Variants in RNF157 observed in about 807,000 individuals in gnomAD.
RNF157 encodes ring finger protein 157, also known as E3 ubiquitin ligase RNF157.
A neutral mutation model predicts 88.3 loss-of-function variants in RNF157; 55 were observed. The ratio of observed to expected loss-of-function variants is 0.62; its 90% CI spans 0.50 to 0.78. RNF157 has a LOEUF of 0.78. Ranked by LOEUF, RNF157 falls within the 30% of genes least tolerant of loss-of-function variation. The pLI, the probability that RNF157 is intolerant of heterozygous loss-of-function variation, is 0.00. For missense variants in RNF157, 788 were observed against 860.8 expected (o/e 0.92, Z 1.06); for synonymous variants, 334 against 341.2 (o/e 0.98, Z 0.23).
intron 2 of RNF157, among the ~76,000 whole-genome samples, chr17:76,175,956 T>C (rs747197542): frequency 6.6e-6 from 1 of 152,220 alleles, no homozygotes. Context: ...ATGAGTTCAA[T>C]TGTTTATAAA....
chr17:76,163,190 C>CTTTTTTTTT (rs35564567), intron 8 of RNF157: 2 of 121,392 alleles, frequency 1.6e-5, no homozygotes, highest in African/African-American at 6.6e-5. Context: ...GCCCTGTTTC[C>CTTTTTTTTT]TTTTTTTTTT....
At chr17:76,215,526 G>A (rs950483782) in intron 1 of RNF157, among the ~76,000 whole-genome samples, 1 of 129,368 alleles carries the variant, frequency 7.7e-6, no homozygotes. Flanking sequence ...AGGAAAAAAA[G>A]ATTTATAGCA....
At chr17:76,234,330 G>A (rs2070245137) in intron 1 of RNF157, among the ~76,000 whole-genome samples, 1 of 152,114 alleles carries the variant, frequency 6.6e-6, no homozygotes, top group Non-Finnish European at 1.5e-5. Context: ...TAGCTATTAT[G>A]AGTAATTCAT....
intron 18 of RNF157, among the ~76,000 whole-genome samples, chr17:76,149,031 C>G (rs899522000): frequency 1.3e-5 from 2 of 152,166 alleles, no homozygotes; most frequent in African/African-American, 4.8e-5. Flanking sequence ...ACCTGTCACA[C>G]CCATCAACTG....
intron 3 of RNF157, among the ~76,000 whole-genome samples, chr17:76,170,711 T>C (rs2068999767): frequency 6.6e-6 from 1 of 152,116 alleles, no homozygotes; most frequent in Non-Finnish European, 1.5e-5. Flanking sequence ...AATATCACAG[T>C]ATAAATTGGG....
chr17:76,226,632 A>G, intron 1 of RNF157: 1 of 1,612,986 alleles, frequency 6.2e-7, no homozygotes, highest in South Asian at 1.1e-5. Flanking sequence ...AGCCATTCGG[A>G]GGAGCCCGCC....
intron 1 of RNF157, among the ~76,000 whole-genome samples, chr17:76,230,597 T>C (rs1243766422): frequency 6.6e-6 from 1 of 152,032 alleles, no homozygotes; most frequent in East Asian, 1.9e-4. Flanking sequence ...CCCAGCATTT[T>C]GGGAGGCTGA....
At position 76,161,562 on chromosome 17, in the gene RNF157, G is replaced by A. The variant is rs768254641; in HGVS notation, c.1038C>T (p.Ser346=). The A allele has an allele frequency of 1.2e-6, 2 of 1,613,996 alleles. No homozygotes were observed. Among genetic ancestry groups the A allele is most frequent in the African/African-American group, 1.3e-5 (1 of 74,898 alleles). ...GATGCTCTTCAGAGTCAGATGTCTG[G>A]GATGAGATGATGGGGTTAAAGCTGG... ...SPTSFNPIIS[S]QTSDSEEHPS... is the part of the protein sequence containing the mutation. Residue 346 remains serine (S), a synonymous_variant, in exon 11 of 19, where the codon TCC becomes TCT. Transcript: ENST00000269391. This position sits in a 1 kb window ranked among gnomAD's most constrained non-coding sequence, Gnocchi z 4.6.
intron 1 of RNF157, among the ~76,000 whole-genome samples, chr17:76,222,388 G>C (rs1246121489): frequency 6.6e-6 from 1 of 151,528 alleles, no homozygotes; most frequent in Non-Finnish European, 1.5e-5. Flanking sequence ...GTAGTGGATT[G>C]TGCAACACTG....
Position 76,225,757 on chromosome 17 carries a change from G to A in RNF157, c.89-13275C>T, listed in dbSNP as rs543352393. 1.8e-5 allele frequency: 28 copies of A among 1,528,932 alleles called. No individual in the cohort carries two copies. In the African/African-American group the frequency reaches 2.4e-4, roughly 13 times the overall value. The allele number at this position is 1,528,932 out of a possible 1,614,324, so 94.7% of individuals were successfully genotyped here. A position where few individuals can be genotyped will look rare whatever the true frequency, so the allele number is the denominator to read the frequency against. ...ACTCCTGACCTACCCTCAACTAGGG[G>A]ACCCTTTTCTTCCCCCTTGCCTTGC... On this transcript the variant is annotated intron_variant, in intron 1 of 18. Transcript: ENST00000269391.
intron 2 of RNF157, among the ~76,000 whole-genome samples, chr17:76,194,954 A>G (rs529671436): frequency 4.6e-5 from 7 of 152,210 alleles, no homozygotes; most frequent in East Asian, 3.9e-4. Flanking sequence ...GGTGGAGTTT[A>G]CAGTGAGCCG....
At chr17:76,226,388 G>A in intron 1 of RNF157, 1 of 1,593,358 alleles carries the variant, frequency 6.3e-7, no homozygotes, top group Non-Finnish European at 8.6e-7. Context: ...ATGGCCAATT[G>A]GGTTCACCAT....
At chr17:76,230,520 T>C (rs1182344275) in intron 1 of RNF157, among the ~76,000 whole-genome samples, 1 of 152,072 alleles carries the variant, frequency 6.6e-6, no homozygotes, top group Non-Finnish European at 1.5e-5. Context: ...TTCCAGTCTC[T>C]CCTCCCAATC....
chr17:76,235,468 G>C (rs2070267608), intron 1 of RNF157, among the ~76,000 whole-genome samples: 1 of 152,128 alleles, frequency 6.6e-6, no homozygotes, highest in Non-Finnish European at 1.5e-5. Flanking sequence ...AAAGTGCTGG[G>C]ATTACAGGCG....
intron 2 of RNF157, among the ~76,000 whole-genome samples, chr17:76,200,177 G>GC (rs1215141190): frequency 6.6e-6 from 1 of 151,972 alleles, no homozygotes; most frequent in East Asian, 1.9e-4. Context: ...GGGAAGCGGA[G>GC]CTTGCAGTGA....
At chr17:76,152,072 G>A (rs1301829165) in intron 18 of RNF157, among the ~76,000 whole-genome samples, 1 of 152,162 alleles carries the variant, frequency 6.6e-6, no homozygotes, top group Non-Finnish European at 1.5e-5. Context: ...TACCTGCAAG[G>A]CCGTGATGTG....
chr17:76,159,702 G>A lies in RNF157; in HGVS notation c.1066-129C>T. 3 of 671,694 alleles carry A rather than the reference G, an allele frequency of 4.5e-6. No homozygotes were observed. The South Asian group carries it at 5.6e-5, about 12-fold the overall frequency. 41.6% of individuals were successfully genotyped at this position (671,694 alleles called of 1,614,324 possible). On this transcript the variant is annotated intron_variant, in intron 11 of 18. Coordinates refer to ENST00000269391, the MANE Select transcript of RNF157 (RefSeq NM_052916.3). ...TTGGGGGGGTCTGGTAAGAACAACT[G>A]TACTAGAGGCAGAGATAAAATATCA...
intron 1 of RNF157, among the ~76,000 whole-genome samples, chr17:76,217,915 T>C (rs910032139): frequency 5.3e-5 from 8 of 152,196 alleles, no homozygotes; most frequent in Admixed American, 4.6e-4. Flanking sequence ...CCGTAAGGTA[T>C]GAGTGGGAAG....
intron 18 of RNF157, 158 bp from the exon 19 acceptor site, chr17:76,145,511 C>T (rs895148139): frequency 3.7e-5 from 22 of 589,626 alleles, no homozygotes; most frequent in Non-Finnish European, 6.1e-5. Flanking sequence ...TGTGTGAGAA[C>T]GGAGAGAAGC....
Sources: gnomAD v4.1 joint callset for allele counts (sites outside exome capture counted in the v4.1 genomes callset) on GRCh38, gnomAD v4.1.1 for gene constraint, Gnocchi (gnomAD v3.1) non-coding constraint, MANE v1.5 for transcripts, NCBI Gene and HGNC (gene_info 2026-07-23, HGNC 2026-07-21) for gene names.